Variants in EYA2 observed in about 807,000 individuals in gnomAD.
EYA2 encodes EYA transcriptional coactivator and phosphatase 2, also known as protein phosphatase EYA2.
EYA2 carries 31 observed loss-of-function variants against 69.2 expected under a neutral mutation model. The observed-to-expected ratio is 0.45, with a 90% CI of 0.34 to 0.60. The LOEUF (loss-of-function observed/expected upper bound fraction) is 0.60, where lower values mean the gene tolerates loss of function less well. EYA2 is among the 20% of genes least tolerant of loss of function. The pLI is 0.02. For synonymous variants in EYA2, 257 were observed against 279.4 expected (o/e 0.92, Z 0.80); for missense variants, 622 against 701.2 (o/e 0.89, Z 1.28).
intron 1 of EYA2, among the ~76,000 whole-genome samples, chr20:46,982,092 C>A (rs1980869659): frequency 6.6e-6 from 1 of 152,344 alleles, no homozygotes; most frequent in Non-Finnish European, 1.5e-5. Context: ...CTCCTGCTCA[C>A]ATATTTACCC....
At chr20:47,080,907 A>G (rs888176863) in intron 7 of EYA2, among the ~76,000 whole-genome samples, 1 of 152,162 alleles carries the variant, frequency 6.6e-6, no homozygotes, top group African/African-American at 2.4e-5. Context: ...TTACTCTGTC[A>G]CCCAGGCTGA....
intron 5 of EYA2, among the ~76,000 whole-genome samples, chr20:47,040,874 A>G (rs1178102675): frequency 6.6e-6 from 1 of 152,160 alleles, no homozygotes; most frequent in Non-Finnish European, 1.5e-5. Flanking sequence ...CCTGTAAACC[A>G]CTGTGACTTA....
chr20:47,050,316 A>G (rs1248160125), intron 5 of EYA2, among the ~76,000 whole-genome samples: 2 of 152,278 alleles, frequency 1.3e-5, no homozygotes, highest in East Asian at 3.9e-4. Flanking sequence ...CAAACACAAA[A>G]TATTCAGCAG....
chr20:46,941,125 G>C (rs888388400), intron 1 of EYA2, among the ~76,000 whole-genome samples: 1 of 152,226 alleles, frequency 6.6e-6, no homozygotes, highest in Admixed American at 6.5e-5. Context: ...GGGGACCCCC[G>C]TGCTGGATGG....
chr20:47,169,392 T>C lies in EYA2; in HGVS notation c.1037+195T>C, dbSNP rs1272470611. On this transcript the variant is annotated intron_variant, in intron 11 of 15. Transcript: ENST00000327619. ...CGGGTGTGGTGGCTCATACTTGTAA[T>C]CCCAGCACTTTGGGAGGTCTTAGCA... Among the ~76,000 whole-genome samples, 4 of 152,242 alleles carry C rather than the reference T, an allele frequency of 2.6e-5. No individual in the cohort carries two copies. The Middle Eastern group carries it at 0.01, about 388-fold the overall frequency.
intron 9 of EYA2, among the ~76,000 whole-genome samples, chr20:47,130,815 C>A (rs901515843): frequency 6.6e-6 from 1 of 152,138 alleles, no homozygotes; most frequent in South Asian, 2.1e-4. Context: ...AAAGCCCGGG[C>A]GAGGTGGCTC....
chr20:47,169,320 G>A, intron 11 of EYA2, 123 bp downstream of exon 11: 1 of 913,798 alleles, frequency 1.1e-6, no homozygotes, highest in Non-Finnish European at 1.8e-6. Context: ...CCTGCCTCCA[G>A]CCAGAACTGG....
chr20:47,109,762 A>G (rs2032696242), intron 9 of EYA2, among the ~76,000 whole-genome samples: 1 of 152,170 alleles, frequency 6.6e-6, no homozygotes, highest in South Asian at 2.1e-4. Context: ...AACCAGAGGA[A>G]GTTTTGGCCC....
At chr20:47,122,288 G>GT (rs2033067797) in intron 9 of EYA2, among the ~76,000 whole-genome samples, 2 of 138,822 alleles carry the variant, frequency 1.4e-5, no homozygotes, top group Non-Finnish European at 3.0e-5. Flanking sequence ...TTATTTTCTT[G>GT]GTTTTTTTTT....
rs1447219596 is a variant in EYA2, at chr20:46,934,578, G to A, written c.-11+39591G>A. Among the ~76,000 whole-genome samples the A allele has an allele frequency of 7.2e-5, 11 of 152,228 alleles. No homozygotes were observed. In the East Asian group the frequency reaches 1.9e-3, roughly 27 times the overall value. ...GATGTGGAGGGAGGGTGAAGCGGGA[G>A]AGGCTCTCCAAGGGAAAGTGAGGAT... On this transcript the variant is annotated intron_variant, in intron 1 of 15. Coordinates refer to ENST00000327619, the MANE Select transcript of EYA2 (RefSeq NM_005244.5).
intron 5 of EYA2, among the ~76,000 whole-genome samples, chr20:47,040,732 G>A (rs1985014039): frequency 6.6e-6 from 1 of 152,196 alleles, no homozygotes; most frequent in Non-Finnish European, 1.5e-5. Context: ...CAGGTAAGAA[G>A]CTTGGGTCTC....
At chr20:47,166,393 T>TTAAAAAAAAAAAAAAAAAAAAA (rs1555806208) in intron 10 of EYA2, among the ~76,000 whole-genome samples, 1 of 34,478 alleles carries the variant, frequency 2.9e-5, no homozygotes, top group Non-Finnish European at 7.0e-5. Flanking sequence ...CAAGACTGTC[T>TTAAAAAAAAAAAAAAAAAAAAA]AAAAAAAAAA....
At chr20:47,040,350 T>C (rs7345315) in intron 5 of EYA2, among the ~76,000 whole-genome samples, 1 of 152,220 alleles carries the variant, frequency 6.6e-6, no homozygotes, top group Admixed American at 6.5e-5. Context: ...CTTTGAAGAA[T>C]GGTATGTTCC....
intron 5 of EYA2, among the ~76,000 whole-genome samples, chr20:47,041,441 T>C (rs1985062168): frequency 6.6e-6 from 1 of 152,250 alleles, no homozygotes; most frequent in African/African-American, 2.4e-5. Flanking sequence ...AGAGATAGTC[T>C]GTGCACGACT....
At chr20:47,137,105 T>A (rs2033495323) in intron 9 of EYA2, among the ~76,000 whole-genome samples, 1 of 151,968 alleles carries the variant, frequency 6.6e-6, no homozygotes, top group African/African-American at 2.4e-5. Context: ...TTGGAAAAAC[T>A]ACCTCCTCTC....
At chr20:47,036,608 T>C (rs1019657677) in intron 5 of EYA2, among the ~76,000 whole-genome samples, 3 of 152,234 alleles carry the variant, frequency 2.0e-5, no homozygotes, top group African/African-American at 7.2e-5. Flanking sequence ...GGGAAATGCA[T>C]ATAAGAGCAT....
At chr20:46,912,521 C>G (rs1600537148) in intron 1 of EYA2, among the ~76,000 whole-genome samples, 1 of 152,246 alleles carries the variant, frequency 6.6e-6, no homozygotes, top group South Asian at 2.1e-4. Flanking sequence ...ATGTACAAAA[C>G]TGACAAGTCC....
At chr20:47,127,066 C>G (rs745527875) in intron 9 of EYA2, among the ~76,000 whole-genome samples, 31 of 151,890 alleles carry the variant, frequency 2.0e-4, no homozygotes, top group Non-Finnish European at 4.4e-5. Context: ...ATGCACCCAT[C>G]AGTCCCCACC....
chr20:47,148,773 C>T (rs76836041), intron 10 of EYA2, among the ~76,000 whole-genome samples: 1 of 152,334 alleles, frequency 6.6e-6, no homozygotes, highest in Non-Finnish European at 1.5e-5. Flanking sequence ...CAAGCACCTG[C>T]TCAAGATCTG....
Sources: allele counts gnomAD v4.1 joint callset (sites outside exome capture counted in the v4.1 genomes callset), GRCh38; gene constraint gnomAD v4.1.1; transcripts MANE v1.5; gene names NCBI Gene and HGNC (gene_info 2026-07-23, HGNC 2026-07-21).